The following DIAPH2 variants were observed in gnomAD, a reference collection of about 807,000 sequenced individuals.
DIAPH2 encodes the protein diaphanous related formin 2, also known as protein diaphanous homolog 2.
In DIAPH2, 35 loss-of-function variants were observed where a neutral mutation model predicts 92.7. The observed-to-expected ratio is 0.38, with a 90% CI of 0.29 to 0.50. DIAPH2 has a LOEUF of 0.50. DIAPH2 is among the 20% of genes least tolerant of loss of function. The probability of loss-of-function intolerance (pLI) is 0.94; values close to 1 mark genes in which losing one functional copy is unlikely to be tolerated. For synonymous variants in DIAPH2, 301 were observed against 280.4 expected (o/e 1.07, Z -0.73); for missense variants, 701 against 819.5 (o/e 0.86, Z 1.77).
intron 21 of DIAPH2, among the ~76,000 whole-genome samples, chrX:97,129,918 A>G (rs1437997346): frequency 1.8e-5 from 2 of 112,101 alleles, no homozygotes; most frequent in Non-Finnish European, 3.8e-5. Flanking sequence ...CAACCACAAC[A>G]AAACAACTCA....
In DIAPH2 at chrX:96,735,766, A is replaced by G. The variant is rs1050320482; in HGVS notation, c.141A>G (p.Gln47=). ...ETKNKPKLNI[Q]IKTLADDVRD... The stretch of plus-strand genomic sequence containing the variant: ...CTTTTTGGTTTTAATAGAACATTCA[A>G]ATAAAAACTTTGGCAGATGATGTGG... The change falls in exon 2 of 27, where the codon CAA becomes CAG. Residue 47 remains glutamine, a synonymous_variant. Coordinates refer to ENST00000324765, the MANE Select transcript of DIAPH2 (RefSeq NM_006729.5). 31 of 1,106,842 alleles carry G rather than the reference A, an allele frequency of 2.8e-5. No individual in the cohort carries two copies. The highest frequency in any genetic ancestry group is 3.7e-5 in the Non-Finnish European group (30 of 819,746). 91.2% of individuals were successfully genotyped at this position (1,106,842 alleles called of 1,213,427 possible). A position where few individuals can be genotyped will look rare whatever the true frequency, so the allele number is the denominator to read the frequency against.
At chrX:96,907,289 T>C (rs1372263999) in intron 5 of DIAPH2, among the ~76,000 whole-genome samples, 2 of 112,254 alleles carry the variant, frequency 1.8e-5, no homozygotes, top group Non-Finnish European at 3.8e-5. Flanking sequence ...AGATTTCTTA[T>C]GATGCTCAGG....
intron 7 of DIAPH2, among the ~76,000 whole-genome samples, chrX:96,913,913 A>G (rs981723125): frequency 2.7e-5 from 3 of 110,339 alleles, no homozygotes; most frequent in African/African-American, 9.8e-5. Context: ...ACCTCTTCAT[A>G]CCTATAGATA....
At chrX:97,286,273 A>G (rs2068542247) in intron 23 of DIAPH2, among the ~76,000 whole-genome samples, 1 of 106,556 alleles carries the variant, frequency 9.4e-6, no homozygotes, top group East Asian at 3.0e-4. Context: ...CTGGTCTCAA[A>G]CTTCTGACCT....
At chrX:96,919,391 T>A in intron 9 of DIAPH2, among the ~76,000 whole-genome samples, 1 of 112,127 alleles carries the variant, frequency 8.9e-6, no homozygotes, top group East Asian at 2.8e-4. Context: ...AGTTTTTAAG[T>A]GTCACAGTCG....
chrX:97,241,437 A>C (rs748647304), intron 22 of DIAPH2, among the ~76,000 whole-genome samples: 1 of 110,606 alleles, frequency 9.0e-6, no homozygotes, highest in African/African-American at 3.3e-5. Flanking sequence ...AGCTGGGACT[A>C]CAGGTGCCTG....
chrX:97,580,433 G>C (rs1449718236), intron 26 of DIAPH2, among the ~76,000 whole-genome samples: 3 of 103,631 alleles, frequency 2.9e-5, no homozygotes, highest in Non-Finnish European at 5.9e-5. Flanking sequence ...TAATCATGTG[G>C]TTTTTGTCTT....
At chrX:97,099,638 T>A (rs1433911818) in intron 19 of DIAPH2, 56 bp from the exon 20 acceptor site, 3 of 756,451 alleles carry the variant, frequency 4.0e-6, no homozygotes, top group East Asian at 3.9e-5. Context: ...TGTTAATGCA[T>A]GTTTAAAAAT....
chrX:97,433,116 C>T (rs1377314227), intron 26 of DIAPH2, among the ~76,000 whole-genome samples: 1 of 111,377 alleles, frequency 9.0e-6, no homozygotes, highest in Non-Finnish European at 1.9e-5. Context: ...CATATTGCCT[C>T]CAGCCCATTC....
intron 17 of DIAPH2, among the ~76,000 whole-genome samples, chrX:97,009,204 A>G (rs1435190469): frequency 1.8e-5 from 2 of 110,651 alleles, no homozygotes; most frequent in African/African-American, 3.3e-5. Flanking sequence ...TGTGGCCATC[A>G]CCACCCCAGG....
intron 4 of DIAPH2, among the ~76,000 whole-genome samples, chrX:96,759,297 C>T (rs1165317555): frequency 9.0e-6 from 1 of 111,573 alleles, no homozygotes; most frequent in Non-Finnish European, 1.9e-5. Context: ...ATGAATTCTA[C>T]GATTGTATTG....
In DIAPH2 at chrX:96,802,923, A is replaced by G. The variant is rs113299085; in HGVS notation, c.447+44665A>G. 7.9e-3 allele frequency among the ~76,000 whole-genome samples: 878 copies of G among 111,755 alleles called. 8 individuals carry two copies. The highest frequency in any genetic ancestry group is 0.027 in the African/African-American group (839 of 30,738). On this transcript the variant is annotated intron_variant, in intron 4 of 26. Coordinates refer to ENST00000324765, the MANE Select transcript of DIAPH2 (RefSeq NM_006729.5). ...TGTAAGTGCAAGAGTCCAAAAGCTG[A>G]AGAGCTTGGAGTCTTACATTCCAGG...
At chrX:96,994,533 C>A (rs147226686) in intron 17 of DIAPH2, among the ~76,000 whole-genome samples, 103 of 111,486 alleles carry the variant, frequency 9.2e-4, no homozygotes, top group African/African-American at 3.2e-3. Context: ...AGTCCATCCA[C>A]GTATGTATGG....
At chrX:97,269,240 G>C (rs1199314907) in intron 23 of DIAPH2, among the ~76,000 whole-genome samples, 6 of 111,566 alleles carry the variant, frequency 5.4e-5, no homozygotes, top group African/African-American at 1.3e-4. Flanking sequence ...TGGTGAAAAA[G>C]GCCCAGCACA....
rs2071607328 is a variant in DIAPH2 at position 97,603,761 on chromosome X, A to AT, written c.*4448dup. ...ATATGACAAGGATTCCCTTTCTTCCATTTTCCAATAAAATCTTCATTTCCT... is the reference window on the plus strand; with the variant it reads ...ATATGACAAGGATTCCCTTTCTTCCATTTTTCCAATAAAATCTTCATTTCCT... On this transcript the variant is annotated 3_prime_UTR_variant, in exon 27 of 27. Coordinates refer to ENST00000324765, the MANE Select transcript of DIAPH2 (RefSeq NM_006729.5). 8.9e-6 allele frequency: 1 copy of AT among 111,779 alleles called. No homozygotes were observed. The highest frequency in any genetic ancestry group is 1.9e-5 in the Non-Finnish European group (1 of 53,135). 9.2% of individuals were successfully genotyped at this position (111,779 alleles called of 1,213,427 possible).
intron 26 of DIAPH2, among the ~76,000 whole-genome samples, chrX:97,554,066 T>C (rs1318052416): frequency 8.9e-6 from 1 of 111,853 alleles, no homozygotes; most frequent in Non-Finnish European, 1.9e-5. Flanking sequence ...TTCATTTTCA[T>C]ATTCTCCAGC....
chrX:96,889,865 T>C (rs757103076), intron 5 of DIAPH2, among the ~76,000 whole-genome samples: 5 of 111,959 alleles, frequency 4.5e-5, no homozygotes, highest in Non-Finnish European at 7.5e-5. Context: ...ATACCAAAGA[T>C]GGGAGCATGC....
rs1168907598 is a variant in DIAPH2 at position 96,868,945 on chromosome X, T to C, written c.448-12634T>C. 3.6e-5 allele frequency among the ~76,000 whole-genome samples: 4 copies of C among 112,093 alleles called. No homozygotes were observed. In the Admixed American group the frequency reaches 3.8e-4, roughly 11 times the overall value. ...AATATAGTGTCCAATTAAAATTTTA[T>C]GCTTTAAAGAAGAAAAGCTTTTGCT... On this transcript the variant is annotated intron_variant, in intron 4 of 26. Coordinates refer to ENST00000324765, the MANE Select transcript of DIAPH2 (RefSeq NM_006729.5).
chrX:97,437,381 C>T (rs746964086), intron 26 of DIAPH2, among the ~76,000 whole-genome samples: 66 of 111,766 alleles, frequency 5.9e-4, no homozygotes, highest in African/African-American at 2.0e-3. Flanking sequence ...CCAAGTAATA[C>T]TTATTAATCA....
Sources: allele counts gnomAD v4.1 joint callset (sites outside exome capture counted in the v4.1 genomes callset), GRCh38; gene constraint gnomAD v4.1.1; transcripts MANE v1.5; gene names NCBI Gene and HGNC (gene_info 2026-07-23, HGNC 2026-07-21).